RAB22A: variants seen among roughly 807,000 people sequenced by gnomAD.
RAB22A encodes ras-related protein Rab-22A.
Under a neutral mutation model 30.2 loss-of-function variants are expected in RAB22A, and 13 were observed. The observed-to-expected ratio is 0.43, with a 90% CI of 0.28 to 0.68. The LOEUF is 0.68. Ranked by LOEUF, RAB22A falls within the 30% of genes least tolerant of loss-of-function variation. RAB22A has a pLI of 0.18. For synonymous variants in RAB22A, 89 were observed against 87.2 expected (o/e 1.02, Z -0.11); for missense variants, 177 against 246.8 (o/e 0.72, Z 1.89).
chr20:58,336,117 C>G (rs1986747087), intron 2 of RAB22A, among the ~76,000 whole-genome samples: 1 of 152,202 alleles, frequency 6.6e-6, no homozygotes, highest in African/African-American at 2.4e-5. Context: ...TCAAGCGATT[C>G]TCCTGCCTCA....
chr20:58,340,799 G>A (rs1986842465), intron 2 of RAB22A, among the ~76,000 whole-genome samples: 1 of 147,166 alleles, frequency 6.8e-6, no homozygotes, highest in African/African-American at 2.5e-5. Flanking sequence ...CTGCCTGGTG[G>A]GGTAGATGGC....
chr20:58,327,774 G>A (rs566975974), intron 2 of RAB22A, among the ~76,000 whole-genome samples: 1 of 152,272 alleles, frequency 6.6e-6, no homozygotes, highest in South Asian at 2.1e-4. Context: ...ATCTAATCAT[G>A]AGTAAACATC....
chr20:58,309,767 C>A lies in RAB22A; in HGVS notation c.-210C>A, dbSNP rs1005685427. The A allele has an allele frequency of 1.1e-3, 358 of 327,832 alleles. 2 individuals carry two copies. The highest frequency in any genetic ancestry group is 2.1e-4 in the Non-Finnish European group (40 of 189,352). The allele number at this position is 327,832 out of a possible 1,614,324, so 20.3% of individuals were successfully genotyped here. A position where few individuals can be genotyped will look rare whatever the true frequency, so the allele number is the denominator to read the frequency against. On this transcript the variant is annotated 5_prime_UTR_variant, in exon 1 of 7. Transcript: ENST00000244040. ...GCGGCGGCGGCGGCTCCCGGAAGGC[C>A]GCGGCGGCGTCCCGGCTGCTAAGGC...
intron 2 of RAB22A, among the ~76,000 whole-genome samples, chr20:58,325,229 A>G (rs1217079030): frequency 6.6e-6 from 1 of 151,438 alleles, no homozygotes; most frequent in African/African-American, 2.4e-5. Flanking sequence ...CTGTAATCCC[A>G]GCACTTTGGA....
intron 6 of RAB22A, among the ~76,000 whole-genome samples, chr20:58,358,895 CA>C (rs1181619167): frequency 0.038 from 3,492 of 92,192 alleles, 93 homozygotes; most frequent in African/African-American, 0.1. Flanking sequence ...TAGCCTGTCT[CA>C]AAAAAAAAAA....
chr20:58,312,781 TGC>T (rs1986258166), intron 2 of RAB22A, among the ~76,000 whole-genome samples: 1 of 151,404 alleles, frequency 6.6e-6, no homozygotes. Context: ...TGAGCCACCG[TGC>T]CTGGCCGCCT....
intron 2 of RAB22A, among the ~76,000 whole-genome samples, chr20:58,327,029 G>A (rs116781726): frequency 1.5e-3 from 221 of 152,206 alleles, no homozygotes; most frequent in African/African-American, 5.0e-3. Context: ...TCTTGTGGCC[G>A]GGCACAGTCG....
intron 6 of RAB22A, 73 bp from the exon 7 acceptor site, chr20:58,359,533 A>G: frequency 9.4e-7 from 1 of 1,068,112 alleles, no homozygotes; most frequent in Non-Finnish European, 1.3e-6. Flanking sequence ...AAACCTGTCA[A>G]ATTGCATCTG....
chr20:58,328,441 C>T (rs899471901), intron 2 of RAB22A, among the ~76,000 whole-genome samples: 3 of 152,160 alleles, frequency 2.0e-5, no homozygotes, highest in Non-Finnish European at 4.4e-5. Flanking sequence ...GTCTTGGCCT[C>T]TCAGATTGAA....
chr20:58,325,618 A>G (rs886618796), intron 2 of RAB22A, among the ~76,000 whole-genome samples: 1 of 152,208 alleles, frequency 6.6e-6, no homozygotes, highest in Admixed American at 6.5e-5. Context: ...TTTTCTATGT[A>G]TGTCTCTCGG....
At chr20:58,339,558 G>C (rs1986820148) in intron 2 of RAB22A, among the ~76,000 whole-genome samples, 1 of 152,156 alleles carries the variant, frequency 6.6e-6, no homozygotes, top group African/African-American at 2.4e-5. Flanking sequence ...TTTATTTCAG[G>C]GATTGAGGTT....
chr20:58,333,597 T>C (rs186594657), intron 2 of RAB22A, among the ~76,000 whole-genome samples: 8 of 152,274 alleles, frequency 5.3e-5, no homozygotes, highest in Admixed American at 5.2e-4. Context: ...GGGAGGGAAA[T>C]ATATGAATAT....
At chr20:58,335,973 G>A (rs1019112435) in intron 2 of RAB22A, among the ~76,000 whole-genome samples, 4 of 151,962 alleles carry the variant, frequency 2.6e-5, no homozygotes. Flanking sequence ...GGGCCGCTTA[G>A]CTTGCTTCCC....
chr20:58,343,127 G>A (rs760204218), intron 2 of RAB22A, among the ~76,000 whole-genome samples: 48 of 152,146 alleles, frequency 3.2e-4, no homozygotes, highest in South Asian at 2.1e-4. Context: ...TGAGAAACCC[G>A]TTTTGTCGAT....
In RAB22A at chr20:58,354,040, C is replaced by T. The variant is rs1341630447; in HGVS notation, c.378-116C>T. ...AGAAGACCATGTCTCAGGGCCCATCCAGCAGCCATTTAGTCCATCCTTTGT... is the reference window on the plus strand; with the variant it reads ...AGAAGACCATGTCTCAGGGCCCATCTAGCAGCCATTTAGTCCATCCTTTGT... On this transcript the variant is annotated intron_variant, in intron 5 of 6. Transcript: ENST00000244040. 7.7e-6 allele frequency: 5 copies of T among 646,712 alleles called. No homozygotes were observed. The East Asian group carries it at 8.4e-5, about 11-fold the overall frequency. 40.1% of individuals were successfully genotyped at this position (646,712 alleles called of 1,614,324 possible). A position where few individuals can be genotyped will look rare whatever the true frequency, so the allele number is the denominator to read the frequency against.
chr20:58,348,965 G>A (rs1448095609), intron 3 of RAB22A, among the ~76,000 whole-genome samples: 1 of 152,182 alleles, frequency 6.6e-6, no homozygotes, highest in Non-Finnish European at 1.5e-5. Context: ...CAGAGATTAT[G>A]TGACCCATAA....
intron 2 of RAB22A, among the ~76,000 whole-genome samples, chr20:58,322,424 T>C (rs767988581): frequency 1.7e-4 from 26 of 152,242 alleles, no homozygotes; most frequent in Non-Finnish European, 3.7e-4. Context: ...TTCAGTCATA[T>C]TAGCTACATT....
At chr20:58,322,635 A>G (rs1056527397) in intron 2 of RAB22A, among the ~76,000 whole-genome samples, 7 of 152,216 alleles carry the variant, frequency 4.6e-5, no homozygotes, top group Non-Finnish European at 8.8e-5. Context: ...TAGAATTTAT[A>G]ATATCCTTCT....
chr20:58,313,157 C>A (rs527158), intron 2 of RAB22A, among the ~76,000 whole-genome samples: 76,577 of 151,856 alleles, frequency 0.5, 20,465 homozygotes, highest in African/African-American at 0.67. Context: ...TGGTGAGGCA[C>A]GCCCCATCCT....
Sources: allele counts gnomAD v4.1 joint callset (sites outside exome capture counted in the v4.1 genomes callset), GRCh38; gene constraint gnomAD v4.1.1; transcripts MANE v1.5; gene names NCBI Gene and HGNC (gene_info 2026-07-23, HGNC 2026-07-21).